PTPRT: variants seen among roughly 807,000 people sequenced by gnomAD.
PTPRT encodes protein tyrosine phosphatase receptor type T.
Under a neutral mutation model 176.8 loss-of-function variants are expected in PTPRT, and 56 were observed. That is an observed-to-expected ratio of 0.32 (90% CI 0.26 to 0.40). The LOEUF is 0.40. PTPRT is among the 10% of genes least tolerant of loss of function. The pLI is 1.00. For missense variants in PTPRT, 1,540 were observed against 1,908.2 expected, an observed-to-expected ratio of 0.81 and a Z score of 3.60; for synonymous variants, 783 against 739.0, an observed-to-expected ratio of 1.06 and a Z score of -0.96.
chr20:42,274,581 G>GTATGTGTA (rs1555812659), intron 13 of PTPRT, among the ~76,000 whole-genome samples: 80 of 134,170 alleles, frequency 6.0e-4, no homozygotes, highest in Non-Finnish European at 2.2e-4. Context: ...GTGTGTGTGT[G>GTATGTGTA]TGTGTGTGTG....
At chr20:42,324,794 T>C (rs1409792758) in intron 11 of PTPRT, among the ~76,000 whole-genome samples, 1 of 152,146 alleles carries the variant, frequency 6.6e-6, no homozygotes, top group Admixed American at 6.5e-5. Context: ...AGCCAACCTT[T>C]CTTCCAAGAC....
intron 7 of PTPRT, among the ~76,000 whole-genome samples, chr20:42,551,133 G>A (rs2072763108): frequency 6.6e-6 from 1 of 152,072 alleles, no homozygotes; most frequent in Non-Finnish European, 1.5e-5. Context: ...CTTGCACATT[G>A]TTGACCCTCA....
At chr20:42,759,438 G>A (rs1201840326) in intron 5 of PTPRT, among the ~76,000 whole-genome samples, 1 of 152,184 alleles carries the variant, frequency 6.6e-6, no homozygotes, top group Non-Finnish European at 1.5e-5. Flanking sequence ...GGCTGAGGCG[G>A]GCAGATCACG....
intron 26 of PTPRT, among the ~76,000 whole-genome samples, chr20:42,100,255 C>G: frequency 6.6e-6 from 1 of 152,196 alleles, no homozygotes; most frequent in East Asian, 1.9e-4. Context: ...AAAATATGTT[C>G]GAGATCCGTG....
At chr20:42,345,744 A>AAT (rs897900404) in intron 11 of PTPRT, among the ~76,000 whole-genome samples, 1 of 151,290 alleles carries the variant, frequency 6.6e-6, no homozygotes. Context: ...CAAAACAAAA[A>AAT]ATATATATAT....
chr20:42,081,742 C>T lies in PTPRT; in HGVS notation c.4272+140G>A, dbSNP rs560218066. 9.1e-5 allele frequency: 101 copies of T among 1,115,928 alleles called. No individual in the cohort carries two copies. In the South Asian group the frequency reaches 1.3e-3, roughly 15 times the overall value. The allele number at this position is 1,115,928 out of a possible 1,614,324, so 69.1% of individuals were successfully genotyped here. A position where few individuals can be genotyped will look rare whatever the true frequency, so the allele number is the denominator to read the frequency against. ...GAAGGGGAAGACACAGGACAGACAACAGTGCATACCAAGGGCACAGAATGC... is the reference window on the plus strand; with the variant it reads ...GAAGGGGAAGACACAGGACAGACAATAGTGCATACCAAGGGCACAGAATGC... On this transcript the variant is annotated intron_variant, in intron 30 of 30. Transcript: ENST00000373187.
chr20:42,949,518 C>T (rs1981096327), intron 1 of PTPRT, among the ~76,000 whole-genome samples: 1 of 152,190 alleles, frequency 6.6e-6, no homozygotes, highest in Non-Finnish European at 1.5e-5. Context: ...CTAGCAAATG[C>T]CACTTGAAGA....
intron 27 of PTPRT, among the ~76,000 whole-genome samples, chr20:42,093,756 T>C (rs527620571): frequency 5.7e-4 from 87 of 152,346 alleles, no homozygotes; most frequent in African/African-American, 1.9e-3. Flanking sequence ...TGCCTTGGCA[T>C]GAGCACGCAG....
chr20:42,681,341 A>T (rs2075600719), intron 6 of PTPRT, among the ~76,000 whole-genome samples: 1 of 152,214 alleles, frequency 6.6e-6, no homozygotes, highest in Non-Finnish European at 1.5e-5. Flanking sequence ...AATGCAGCCA[A>T]GTAAATCAGT....
intron 16 of PTPRT, among the ~76,000 whole-genome samples, chr20:42,178,832 G>A (rs370075792): frequency 2.6e-5 from 4 of 152,284 alleles, no homozygotes; most frequent in African/African-American, 9.6e-5. Context: ...CTTGCTGGCT[G>A]TTGGCTGGGC....
chr20:43,173,331 G>A (rs968393999), intron 1 of PTPRT, among the ~76,000 whole-genome samples: 6 of 152,170 alleles, frequency 3.9e-5, no homozygotes, highest in Non-Finnish European at 7.3e-5. Context: ...AAAGTCAACC[G>A]CAAGGTGTTT....
intron 1 of PTPRT, among the ~76,000 whole-genome samples, chr20:42,903,992 A>C (rs541601395): frequency 6.9e-4 from 105 of 152,290 alleles, no homozygotes; most frequent in African/African-American, 2.2e-3. Context: ...CAATTACAGG[A>C]AGTGGTCTTT....
chr20:42,700,637 A>G (rs772226431), intron 6 of PTPRT, among the ~76,000 whole-genome samples: 1 of 152,130 alleles, frequency 6.6e-6, no homozygotes, highest in Non-Finnish European at 1.5e-5. Context: ...GGAGCAGCCA[A>G]GAAAAGCACA....
At chr20:43,021,362 T>C (rs1985673168) in intron 1 of PTPRT, among the ~76,000 whole-genome samples, 1 of 152,194 alleles carries the variant, frequency 6.6e-6, no homozygotes, top group Admixed American at 6.5e-5. Context: ...CTATAAAAAG[T>C]TCTGGTCTTT....
chr20:42,481,116 G>T (rs1411551524), intron 7 of PTPRT, among the ~76,000 whole-genome samples: 4 of 151,542 alleles, frequency 2.6e-5, no homozygotes, highest in Non-Finnish European at 1.5e-5. Context: ...TTCCATCTCT[G>T]CTATTATAGT....
At chr20:42,567,378 A>T (rs1447785951) in intron 7 of PTPRT, among the ~76,000 whole-genome samples, 1 of 152,200 alleles carries the variant, frequency 6.6e-6, no homozygotes, top group East Asian at 1.9e-4. Flanking sequence ...TACTGCAGCC[A>T]CGCCTACCCT....
chr20:42,184,518 C>CCTTCTTCTTCCTCTT, intron 16 of PTPRT, among the ~76,000 whole-genome samples: 1 of 54,484 alleles, frequency 1.8e-5, no homozygotes, highest in Non-Finnish European at 4.6e-5. Flanking sequence ...TCCTCCTCCT[C>CCTTCTTCTTCCTCTT]CTTCTTCTTC....
intron 2 of PTPRT, among the ~76,000 whole-genome samples, chr20:42,861,952 G>C (rs2078669321): frequency 2.0e-5 from 3 of 152,104 alleles, no homozygotes; most frequent in Admixed American, 2.0e-4. Context: ...GCAGCTGCTA[G>C]ATCAGCACTG....
intron 5 of PTPRT, among the ~76,000 whole-genome samples, chr20:42,760,454 G>A (rs574253552): frequency 4.0e-5 from 6 of 148,296 alleles, no homozygotes; most frequent in African/African-American, 1.2e-4. Context: ...GGCAATACCA[G>A]GTGTGAGCAT....
Sources: allele counts gnomAD v4.1 joint callset (sites outside exome capture counted in the v4.1 genomes callset), GRCh38; gene constraint gnomAD v4.1.1; transcripts MANE v1.5; gene names NCBI Gene and HGNC (gene_info 2026-07-23, HGNC 2026-07-21).